SHISA9: variants seen among roughly 807,000 people sequenced by gnomAD.
The protein encoded by SHISA9 is shisa family member 9.
A neutral mutation model predicts 38.0 loss-of-function variants in SHISA9; 13 were observed. That is an observed-to-expected ratio of 0.34 (90% confidence interval 0.22 to 0.54). The LOEUF is 0.54. SHISA9 is among the 20% of genes least tolerant of loss of function. SHISA9 has a pLI of 0.91. For synonymous variants in SHISA9, 275 were observed against 242.0 expected, an observed-to-expected ratio of 1.14 and a Z score of -1.27; for missense variants, 538 against 575.8, an observed-to-expected ratio of 0.93 and a Z score of 0.67.
At chr16:13,290,417 G>A in the SHISA9 span, among the ~76,000 whole-genome samples, 1 of 151,924 alleles carries the variant, frequency 6.6e-6, no homozygotes, top group Non-Finnish European at 1.5e-5. Flanking sequence ...AGAATGAGAT[G>A]GCACACCATT....
chr16:12,930,477 A>G (rs2071448866), intron 2 of SHISA9, among the ~76,000 whole-genome samples: 1 of 152,174 alleles, frequency 6.6e-6, no homozygotes, highest in Non-Finnish European at 1.5e-5. Flanking sequence ...CACCAATTCA[A>G]TCACAATTGA....
chr16:13,419,670 A>G, the SHISA9 span, among the ~76,000 whole-genome samples: 1 of 152,334 alleles, frequency 6.6e-6, no homozygotes, highest in South Asian at 2.1e-4. Context: ...AGGGTTGGCC[A>G]GATAGTAAGT....
At chr16:13,369,062 CTG>C in the SHISA9 span, among the ~76,000 whole-genome samples, 16 of 152,134 alleles carry the variant, frequency 1.1e-4, no homozygotes, top group East Asian at 1.9e-4. Context: ...CATTAGACAA[CTG>C]TTAAAATGAA....
At chr16:13,023,726 A>G (rs912946777) in intron 2 of SHISA9, among the ~76,000 whole-genome samples, 1 of 152,262 alleles carries the variant, frequency 6.6e-6, no homozygotes. Context: ...CTGGCGTGAG[A>G]TGGTATCTCA....
chr16:13,486,226 A>T, the SHISA9 span, among the ~76,000 whole-genome samples: 7 of 152,310 alleles, frequency 4.6e-5, no homozygotes, highest in Non-Finnish European at 1.0e-4. Flanking sequence ...ATGCTTTCAC[A>T]TGGACCAGCG....
At chr16:13,483,343 G>A in the SHISA9 span, among the ~76,000 whole-genome samples, 2 of 152,106 alleles carry the variant, frequency 1.3e-5, no homozygotes, top group Non-Finnish European at 2.9e-5. Context: ...AGGTCAGAGT[G>A]GATCCGAACA....
chr16:12,968,642 A>G (rs1177236248), intron 2 of SHISA9, among the ~76,000 whole-genome samples: 3 of 152,216 alleles, frequency 2.0e-5, no homozygotes, highest in Non-Finnish European at 4.4e-5. Flanking sequence ...GAGTGAGAGA[A>G]GCCAGGCACA....
At chr16:12,915,537 G>A (rs941349183) in intron 1 of SHISA9, among the ~76,000 whole-genome samples, 5 of 152,188 alleles carry the variant, frequency 3.3e-5, no homozygotes, top group African/African-American at 1.2e-4. Flanking sequence ...ATAACAAATG[G>A]GGCTGATAGT....
the SHISA9 span, among the ~76,000 whole-genome samples, chr16:13,355,740 G>A: frequency 1.5e-4 from 23 of 152,118 alleles, no homozygotes; most frequent in Non-Finnish European, 2.9e-4. Context: ...TTAAGAAAGG[G>A]ACGGGCTTAC....
the SHISA9 span, among the ~76,000 whole-genome samples, chr16:13,410,853 A>G: frequency 6.6e-6 from 1 of 152,216 alleles, no homozygotes; most frequent in Non-Finnish European, 1.5e-5. Flanking sequence ...GGAGACGGAA[A>G]TTGACCATAG....
At chr16:13,230,419 G>A (rs4781438) in intron 4 of SHISA9, among the ~76,000 whole-genome samples, 29,027 of 152,122 alleles carry the variant, frequency 0.19, 3,049 homozygotes, top group Admixed American at 0.31. Context: ...TATTTATTAG[G>A]TATGGCTGGA....
At chr16:13,408,754 A>G in the SHISA9 span, among the ~76,000 whole-genome samples, 1 of 152,214 alleles carries the variant, frequency 6.6e-6, no homozygotes, top group Admixed American at 6.5e-5. Context: ...ACATTTCTAC[A>G]GTTCCCATTG....
chr16:13,562,658 C>G, the SHISA9 span: 2 of 150,056 alleles, frequency 1.3e-5, no homozygotes, highest in African/African-American at 4.9e-5. Context: ...AAGATTCATT[C>G]CTTATATGAA....
chr16:13,247,017 A>G, the SHISA9 span, among the ~76,000 whole-genome samples: 1 of 150,250 alleles, frequency 6.7e-6, no homozygotes, highest in East Asian at 1.9e-4. Flanking sequence ...TATAATAAAA[A>G]TAATAATTTG....
At chr16:13,492,842 A>G in the SHISA9 span, among the ~76,000 whole-genome samples, 6 of 152,228 alleles carry the variant, frequency 3.9e-5, no homozygotes, top group Non-Finnish European at 8.8e-5. Context: ...AGTTATATGA[A>G]TATGAAGAAA....
At chr16:12,912,938 G>A (rs2071205481) in intron 1 of SHISA9, among the ~76,000 whole-genome samples, 1 of 152,008 alleles carries the variant, frequency 6.6e-6, no homozygotes, top group Non-Finnish European at 1.5e-5. Context: ...AGCCTGGAAT[G>A]CTCTTCCCAT....
At chr16:13,542,206 T>C in the SHISA9 span, among the ~76,000 whole-genome samples, 1 of 152,196 alleles carries the variant, frequency 6.6e-6, no homozygotes, top group Admixed American at 6.5e-5. Flanking sequence ...GCTGACGCCT[T>C]GGTTTCTGAC....
intron 2 of SHISA9, among the ~76,000 whole-genome samples, chr16:12,921,618 A>C (rs547326306): frequency 5.3e-5 from 8 of 152,150 alleles, no homozygotes; most frequent in Non-Finnish European, 8.8e-5. Context: ...AAATAATTTG[A>C]AAAGTAATTG....
chr16:13,355,541 A>G, the SHISA9 span, among the ~76,000 whole-genome samples: 47 of 152,258 alleles, frequency 3.1e-4, no homozygotes, highest in African/African-American at 1.1e-3. Flanking sequence ...TCTCAGCCTA[A>G]TAAGGGAACT....
Sources: allele counts gnomAD v4.1 joint callset (sites outside exome capture counted in the v4.1 genomes callset), GRCh38; gene constraint gnomAD v4.1.1; transcripts MANE v1.5; gene names NCBI Gene and HGNC (gene_info 2026-07-23, HGNC 2026-07-21).